MRPL37: variants seen among roughly 807,000 people sequenced by gnomAD.
MRPL37 encodes mitochondrial ribosomal protein L37.
Under a neutral mutation model 44.1 loss-of-function variants are expected in MRPL37, and 34 were observed. The observed-to-expected ratio is 0.77, with a 90% CI of 0.59 to 1.03. MRPL37 has a LOEUF of 1.03. Among genes scored for constraint, MRPL37 ranks in the 50% least tolerant of loss-of-function variants. MRPL37 has a pLI of 0.00. For missense variants in MRPL37, 532 were observed against 543.7 expected, an observed-to-expected ratio of 0.98 and a Z score of 0.21; for synonymous variants, 212 against 219.5, an observed-to-expected ratio of 0.97 and a Z score of 0.30.
intron 4 of MRPL37, 32 bp from the exon 5 acceptor site, chr1:54,212,469 T>G (rs1161739505): frequency 6.2e-7 from 1 of 1,609,386 alleles, no homozygotes; most frequent in South Asian, 1.1e-5. Flanking sequence ...ATGAATCCTT[T>G]CCACCCCTCC....
chr1:54,224,811 C>T (rs78923958), downstream of MRPL37, among the ~76,000 whole-genome samples: 1,276 of 152,316 alleles, frequency 8.4e-3, 18 homozygotes, highest in African/African-American at 0.029. Context: ...GGGAATGCCT[C>T]TCTCCATATC....
intron 2 of MRPL37, 28 bp from the exon 3 acceptor site, chr1:54,205,267 T>G (rs770660467): frequency 6.2e-7 from 1 of 1,608,166 alleles, no homozygotes; most frequent in South Asian, 1.1e-5. Flanking sequence ...TTGCTTTAAG[T>G]CCCCAAATGT....
At chr1:54,204,969 C>G in intron 1 of MRPL37, 49 bp from the exon 2 acceptor site, 1 of 1,579,236 alleles carries the variant, frequency 6.3e-7, no homozygotes, top group Non-Finnish European at 8.6e-7. Context: ...GCATCTCTTC[C>G]TGAATCTTTT....
chr1:54,210,765 C>T (rs1009730705), intron 4 of MRPL37, among the ~76,000 whole-genome samples: 6 of 152,132 alleles, frequency 3.9e-5, no homozygotes, highest in Non-Finnish European at 8.8e-5. Flanking sequence ...CTGTCCTTAC[C>T]TAGCCTATTG....
rs1644071625 is a variant in MRPL37 at position 54,200,516 on chromosome 1, C to A, written c.273C>A (p.Pro91=). 6.2e-7 allele frequency: 1 copy of A among 1,614,160 alleles called. No homozygotes were observed. The highest frequency in any genetic ancestry group is 1.1e-5 in the South Asian group (1 of 91,084). ...AGGACCCAAGGTTCTACCGCTCGCC[C>A]CCTCTTCACGAGCATCCGCTGTACA... ...GYKDPRFYRS[P]PLHEHPLYKD... Residue 91 remains proline, a synonymous_variant, in exon 1 of 7, where the codon CCC becomes CCA. Coordinates refer to ENST00000360840, the MANE Select transcript of MRPL37 (RefSeq NM_016491.4).
chr1:54,205,463 C>T, intron 3 of MRPL37, 53 bp downstream of exon 3: 3 of 1,430,994 alleles, frequency 2.1e-6, no homozygotes, highest in Non-Finnish European at 2.9e-6. Context: ...TGCCTTTCTA[C>T]TCTTAACCCC....
intron 4 of MRPL37, 131 bp from the exon 5 acceptor site, chr1:54,212,370 G>A: frequency 8.9e-7 from 1 of 1,129,682 alleles, no homozygotes; most frequent in Non-Finnish European, 1.3e-6. Flanking sequence ...CCGAGCTATA[G>A]TGATAGTATC....
chr1:54,218,512 C>T, downstream of MRPL37: 5 of 768,118 alleles, frequency 6.5e-6, no homozygotes, highest in Non-Finnish European at 9.5e-6. Context: ...TAAGGATCTT[C>T]ATCTGTCTCT....
downstream of MRPL37, among the ~76,000 whole-genome samples, chr1:54,223,378 T>C (rs1335099223): frequency 6.6e-6 from 1 of 152,216 alleles, no homozygotes; most frequent in South Asian, 2.1e-4. Context: ...CTCAATCTCC[T>C]GGAGTCTGTG....
chr1:54,200,575 G>T lies in MRPL37; in HGVS notation c.332G>T (p.Cys111Phe). 1 of 1,596,722 alleles carries T rather than the reference G, an allele frequency of 6.3e-7. No individual in the cohort carries two copies. The highest frequency in any genetic ancestry group is 8.6e-7 in the Non-Finnish European group (1 of 1,166,932). ...GCCTGCTATATCTTTCACCACCGTT[G>T]CCGCCTTCTCGAGGGTGAGGCCCCA... ...DQACYIFHHR[C>F]RLLEGVKQAL... The change falls in exon 1 of 7, where the codon TGC (cysteine) becomes TTC (phenylalanine). Residue 111 changes from cysteine (C) to phenylalanine (F), a missense_variant. Cys to Phe is a radical substitution (Grantham distance 205). Coordinates refer to ENST00000360840, the MANE Select transcript of MRPL37 (RefSeq NM_016491.4).
downstream of MRPL37, among the ~76,000 whole-genome samples, chr1:54,224,334 TCC>T (rs1301734044): frequency 2.6e-5 from 4 of 152,124 alleles, no homozygotes; most frequent in Non-Finnish European, 5.9e-5. Context: ...TCCCAGCTAC[TCC>T]CCAACACACC....
intron 1 of MRPL37, among the ~76,000 whole-genome samples, chr1:54,202,162 C>T (rs1055904572): frequency 7.2e-5 from 11 of 151,994 alleles, no homozygotes; most frequent in African/African-American, 1.9e-4. Flanking sequence ...CCACCACTCC[C>T]GGCTAGTTTT....
chr1:54,207,647 A>G (rs1457629790), intron 3 of MRPL37: 1 of 152,218 alleles, frequency 6.6e-6, no homozygotes, highest in East Asian at 1.9e-4. Context: ...CAGAAACCAC[A>G]CAAGAGTGGT....
At chr1:54,219,372 C>T (rs1043150817), downstream of MRPL37, among the ~76,000 whole-genome samples, 2 of 152,252 alleles carry the variant, frequency 1.3e-5, no homozygotes, top group African/African-American at 2.4e-5. Context: ...GTGTCTCTGC[C>T]TCCCAGGCTT....
chr1:54,211,417 G>A (rs1361300125), intron 4 of MRPL37, among the ~76,000 whole-genome samples: 1 of 152,098 alleles, frequency 6.6e-6, no homozygotes, highest in African/African-American at 2.4e-5. Flanking sequence ...ACCTGAGCAG[G>A]CTGAAGGACC....
intron 1 of MRPL37, among the ~76,000 whole-genome samples, chr1:54,201,474 G>A (rs998939173): frequency 1.3e-5 from 2 of 152,202 alleles, no homozygotes; most frequent in African/African-American, 4.8e-5. Flanking sequence ...ATCCTTGAGT[G>A]ACCCTGGTAA....
chr1:54,218,318 G>A lies in MRPL37; in HGVS notation c.*69G>A. The A allele has an allele frequency of 6.2e-7, 1 of 1,611,058 alleles. No homozygotes were observed. The highest frequency in any genetic ancestry group is 8.5e-7 in the Non-Finnish European group (1 of 1,178,942). On this transcript the variant is annotated 3_prime_UTR_variant, in exon 7 of 7. Coordinates refer to ENST00000360840, the MANE Select transcript of MRPL37 (RefSeq NM_016491.4). Reference sequence around the variant, plus strand: ...CCACGGAAGAGGGCCTGGGCCCCGTGGAGCCTCAGTGCCCGTTTGGCCTGC... The same window carrying A: ...CCACGGAAGAGGGCCTGGGCCCCGTAGAGCCTCAGTGCCCGTTTGGCCTGC...
chr1:54,216,365 C>T, intron 6 of MRPL37, 21 bp downstream of exon 6: 1 of 1,611,446 alleles, frequency 6.2e-7, no homozygotes, highest in Non-Finnish European at 8.5e-7. Flanking sequence ...CCATCTCCTG[C>T]CTGACCCAGG....
At position 54,218,208 on chromosome 1, in the gene MRPL37, T is replaced by C; in HGVS notation, c.1231T>C (p.Phe411Leu). Residue 411 changes from phenylalanine (F) to leucine (L), a missense_variant, in exon 7 of 7, where the codon TTC becomes CTC. Coordinates refer to ENST00000360840, the MANE Select transcript of MRPL37 (RefSeq NM_016491.4). ...VGPVGFKPETFRKFLALYLHG... is the reference protein window; with the variant it reads ...VGPVGFKPETLRKFLALYLHG... ...CCCAGTTGGTTTCAAGCCAGAGACA[T>C]TCAGAAAGTTTTTAGCTCTATATTT... The C allele has an allele frequency of 2.5e-6, 4 of 1,614,210 alleles. No homozygotes were observed. Among genetic ancestry groups the C allele is most frequent in the Non-Finnish European group, 3.4e-6 (4 of 1,180,034 alleles).
Sources: gnomAD v4.1 joint callset for allele counts (sites outside exome capture counted in the v4.1 genomes callset) on GRCh38, gnomAD v4.1.1 for gene constraint, MANE v1.5 for transcripts, NCBI Gene and HGNC (gene_info 2026-07-23, HGNC 2026-07-21) for gene names.